Variants in EBF2 observed in about 807,000 individuals in gnomAD.
EBF2 encodes transcription factor COE2.
A neutral mutation model predicts 72.8 loss-of-function variants in EBF2; 21 were observed. That is an observed-to-expected ratio of 0.29 (90% CI 0.20 to 0.42). EBF2 has a LOEUF of 0.42. Ranked by LOEUF, EBF2 falls within the 10% of genes least tolerant of loss-of-function variation. The pLI is 1.00. For synonymous variants in EBF2, 299 were observed against 274.2 expected (o/e 1.09, Z -0.89); for missense variants, 637 against 731.2 (o/e 0.87, Z 1.49).
Position 25,843,850 on chromosome 8 carries a change from G to A in EBF2, c.*759C>T, listed in dbSNP as rs938277822. On this transcript the variant is annotated 3_prime_UTR_variant, in exon 16 of 16. Coordinates refer to ENST00000520164, the MANE Select transcript of EBF2 (RefSeq NM_022659.4). ...GGAAAAGGAGGGGGTGCAGGACAGG[G>A]GATAAGAATCTAGTAAGTAACTGCA... 7 of 151,962 alleles carry A rather than the reference G, an allele frequency of 4.6e-5. No homozygotes were observed. The highest frequency in any genetic ancestry group is 8.8e-5 in the Non-Finnish European group (6 of 68,012). 9.4% of individuals were successfully genotyped at this position (151,962 alleles called of 1,614,324 possible).
At chr8:25,875,610 C>A (rs867294269) in intron 10 of EBF2, among the ~76,000 whole-genome samples, 51 of 152,220 alleles carry the variant, frequency 3.4e-4, no homozygotes, top group African/African-American at 1.2e-3. Flanking sequence ...CTGACTGGAG[C>A]CTCCCCTTCA....
At chr8:25,995,369 CA>C (rs1300812399) in intron 6 of EBF2, among the ~76,000 whole-genome samples, 1 of 151,882 alleles carries the variant, frequency 6.6e-6, no homozygotes, top group African/African-American at 2.4e-5. Context: ...AGATTTAAAG[CA>C]AACATATTTA....
chr8:25,878,319 C>T (rs536455843), intron 10 of EBF2, among the ~76,000 whole-genome samples: 14 of 152,290 alleles, frequency 9.2e-5, no homozygotes, highest in African/African-American at 3.1e-4. Flanking sequence ...GCACTCCAGG[C>T]GTCCAGAGTG....
At chr8:25,964,458 C>T (rs983003557) in intron 6 of EBF2, among the ~76,000 whole-genome samples, 4 of 152,134 alleles carry the variant, frequency 2.6e-5, no homozygotes, top group African/African-American at 9.7e-5. Flanking sequence ...ATATCCACCA[C>T]ATTTAATTAA....
At chr8:25,951,375 C>A (rs1803859037) in intron 6 of EBF2, among the ~76,000 whole-genome samples, 1 of 152,102 alleles carries the variant, frequency 6.6e-6, no homozygotes, top group Non-Finnish European at 1.5e-5. Flanking sequence ...AAACCAAGTC[C>A]CACAACGTAC....
At chr8:25,965,970 C>CT (rs565795112) in intron 6 of EBF2, among the ~76,000 whole-genome samples, 63 of 152,208 alleles carry the variant, frequency 4.1e-4, no homozygotes, top group Non-Finnish European at 7.6e-4. Context: ...CCCCTGCACT[C>CT]TATGAACAAG....
At chr8:25,986,874 C>A (rs1032234231) in intron 6 of EBF2, among the ~76,000 whole-genome samples, 2 of 152,212 alleles carry the variant, frequency 1.3e-5, no homozygotes, top group Admixed American at 6.5e-5. Context: ...TAAATAAAAT[C>A]ATATAAAGAA....
At chr8:25,979,257 T>C (rs1383995294) in intron 6 of EBF2, among the ~76,000 whole-genome samples, 1 of 152,226 alleles carries the variant, frequency 6.6e-6, no homozygotes, top group Non-Finnish European at 1.5e-5. Flanking sequence ...CAGGGGTATG[T>C]GGAGGCCAGG....
At chr8:25,981,793 T>TAA (rs11422902) in intron 6 of EBF2, among the ~76,000 whole-genome samples, 12,501 of 140,098 alleles carry the variant, frequency 0.089, 1,674 homozygotes, top group African/African-American at 0.29. Context: ...GACTCCATCT[T>TAA]AAAAAAAAAA....
chr8:25,925,302 G>A lies in EBF2; in HGVS notation c.552-16747C>T, dbSNP rs923736666. Among the ~76,000 whole-genome samples, 19 of 151,920 alleles carry A rather than the reference G, an allele frequency of 1.3e-4. No homozygotes were observed. In the East Asian group the frequency reaches 3.3e-3, roughly 26 times the overall value. ...GTCCTGAGAACTTCAGAAAACCCGGGGTGCACAGAAGGAGCTGAGAGGGGT... is the reference window on the plus strand; with the variant it reads ...GTCCTGAGAACTTCAGAAAACCCGGAGTGCACAGAAGGAGCTGAGAGGGGT... On this transcript the variant is annotated intron_variant, in intron 6 of 15. Transcript: ENST00000520164.
chr8:25,858,335 G>C lies in EBF2; in HGVS notation c.1512C>G (p.Thr504=). ...GTCACTTACTTCCATAAGGAGAGCC[G>C]GTGGGTGAGCCATTTAGAAATCCTG... ...GSPGFLNGSP[T]GSPYGIMSSS... Residue 504 remains threonine, a synonymous_variant, in exon 14 of 16, where the codon ACC becomes ACG. Transcript: ENST00000520164. 6.2e-7 allele frequency: 1 copy of C among 1,614,150 alleles called. No individual in the cohort carries two copies. Among genetic ancestry groups the C allele is most frequent in the South Asian group, 1.1e-5 (1 of 91,080 alleles).
intron 6 of EBF2, among the ~76,000 whole-genome samples, chr8:26,030,299 C>A (rs1250193126): frequency 1.3e-5 from 2 of 152,068 alleles, no homozygotes; most frequent in South Asian, 4.1e-4. Flanking sequence ...GGAGAACATG[C>A]AGTGTTTCGT....
At chr8:26,023,334 T>C (rs1273019360) in intron 6 of EBF2, among the ~76,000 whole-genome samples, 1 of 152,214 alleles carries the variant, frequency 6.6e-6, no homozygotes, top group Non-Finnish European at 1.5e-5. Flanking sequence ...AGCACAATTT[T>C]AGAGTACTGT....
At position 25,850,686 on chromosome 8, in the gene EBF2, GC is replaced by G; in HGVS notation, c.1603del (p.Ala535LeufsTer33). On this transcript the variant is annotated frameshift_variant, in exon 15 of 16. Transcript: ENST00000520164. LOFTEE classifies it high-confidence loss of function. ...GGCAAAGGCACTCTTCTGTTTGACA[GC>G]AGGAAAAACTGAAGAGGAAAATGGG... The part of the protein sequence containing the change: ...ILPFSSSVFP[A>X]VKQKSAFAPV... 6.4e-7 allele frequency: 1 copy of G among 1,563,748 alleles called. No homozygotes were observed. Among genetic ancestry groups the G allele is most frequent in the Non-Finnish European group, 8.6e-7 (1 of 1,163,422 alleles).
Position 25,883,948 on chromosome 8 carries a change from C to T in EBF2, c.1009+2807G>A, listed in dbSNP as rs143520734. 2.2e-4 allele frequency among the ~76,000 whole-genome samples: 33 copies of T among 152,230 alleles called. 1 individual carries two copies. In the East Asian group the frequency reaches 6.4e-3, roughly 30 times the overall value. On this transcript the variant is annotated intron_variant, in intron 10 of 15. Transcript: ENST00000520164. Reference sequence around the variant, plus strand: ...TTCTCAGGATCCTTCCCAGGTTCCTCCTGTCATCTTTAATCCTGCATGCTG... The same window carrying T: ...TTCTCAGGATCCTTCCCAGGTTCCTTCTGTCATCTTTAATCCTGCATGCTG...
At chr8:25,988,732 C>T (rs1365901485) in intron 6 of EBF2, among the ~76,000 whole-genome samples, 3 of 152,190 alleles carry the variant, frequency 2.0e-5, no homozygotes, top group Non-Finnish European at 4.4e-5. Context: ...AATGCTTTAT[C>T]AGATACCATC....
Position 26,042,258 on chromosome 8 carries a change from A to G in EBF2, c.132-7T>C. Reference sequence around the variant, plus strand: ...CCGGGACAGGGCGACCCCGCTGCACAGGGAGAAAAACGGGGGAACACAAGA... The same window carrying G: ...CCGGGACAGGGCGACCCCGCTGCACGGGGAGAAAAACGGGGGAACACAAGA... On this transcript the variant is annotated splice_region_variant and splice_polypyrimidine_tract_variant and intron_variant, in intron 1 of 15. Transcript: ENST00000520164. The G allele has an allele frequency of 1.2e-6, 2 of 1,610,410 alleles. No individual in the cohort carries two copies. Among genetic ancestry groups the G allele is most frequent in the Non-Finnish European group, 1.7e-6 (2 of 1,178,052 alleles).
intron 6 of EBF2, among the ~76,000 whole-genome samples, chr8:26,021,938 G>A (rs1330129108): frequency 6.6e-6 from 1 of 152,202 alleles, no homozygotes; most frequent in Non-Finnish European, 1.5e-5. Context: ...TTTCCTATGT[G>A]TATCTTCTGA....
chr8:26,033,034 T>C, intron 6 of EBF2, 51 bp downstream of exon 6: 1 of 1,537,790 alleles, frequency 6.5e-7, no homozygotes, highest in East Asian at 2.2e-5. Context: ...GAGTTGAGGT[T>C]CATGAAGAAA....
Sources: allele counts gnomAD v4.1 joint callset (sites outside exome capture counted in the v4.1 genomes callset), GRCh38; gene constraint gnomAD v4.1.1; transcripts MANE v1.5; gene names NCBI Gene and HGNC (gene_info 2026-07-23, HGNC 2026-07-21).